Variants in SLIT3 observed in about 807,000 individuals in gnomAD.
SLIT3 encodes slit homolog 3 protein.
In SLIT3, 68 loss-of-function variants were observed where a neutral mutation model predicts 184.0. That is an observed-to-expected ratio of 0.37 (90% CI 0.30 to 0.45). The LOEUF is 0.45. Ranked by LOEUF, SLIT3 falls within the 20% of genes least tolerant of loss-of-function variation. SLIT3 has a pLI of 1.00. For missense variants in SLIT3, 1,707 were observed against 2,026.0 expected (o/e 0.84, Z 3.02); for synonymous variants, 831 against 828.6 (o/e 1.00, Z -0.05).
intron 26 of SLIT3, among the ~76,000 whole-genome samples, chr5:168,706,335 A>G (rs947695736): frequency 1.3e-5 from 2 of 152,202 alleles, no homozygotes; most frequent in Admixed American, 6.5e-5. Flanking sequence ...ATTACTAGCA[A>G]TGGCTACACA....
intron 6 of SLIT3, among the ~76,000 whole-genome samples, chr5:168,825,002 G>A (rs553840571): frequency 2.0e-5 from 3 of 152,184 alleles, no homozygotes; most frequent in African/African-American, 7.2e-5. Context: ...CTCTGTACAT[G>A]GTTGAAATCA....
chr5:169,008,292 T>G (rs1290807583), intron 4 of SLIT3, among the ~76,000 whole-genome samples: 1 of 152,114 alleles, frequency 6.6e-6, no homozygotes, highest in Non-Finnish European at 1.5e-5. Context: ...TGGGCAGTCA[T>G]CTTTGGGTCA....
intron 4 of SLIT3, among the ~76,000 whole-genome samples, chr5:169,176,821 TG>T (rs1561716499): frequency 6.6e-6 from 1 of 152,116 alleles, no homozygotes; most frequent in Non-Finnish European, 1.5e-5. Flanking sequence ...TGCCCAGGCT[TG>T]GGTTTGGAGC....
At chr5:169,171,854 C>T (rs1762830780) in intron 4 of SLIT3, among the ~76,000 whole-genome samples, 1 of 152,148 alleles carries the variant, frequency 6.6e-6, no homozygotes, top group African/African-American at 2.4e-5. Flanking sequence ...CAACAACCCA[C>T]CCAGAATGCC....
intron 4 of SLIT3, among the ~76,000 whole-genome samples, chr5:169,178,760 A>G (rs1763060073): frequency 1.3e-5 from 2 of 151,880 alleles, no homozygotes; most frequent in African/African-American, 4.8e-5. Context: ...CCCCCACCCA[A>G]TTCATTTAAT....
chr5:168,666,932 G>A, intron 35 of SLIT3: 1 of 641,432 alleles, frequency 1.6e-6, no homozygotes, highest in Non-Finnish European at 2.8e-6. Flanking sequence ...ACAAAAGCAG[G>A]CTTGGTCCCT....
intron 29 of SLIT3, among the ~76,000 whole-genome samples, chr5:168,688,739 T>C (rs1399840020): frequency 6.6e-6 from 1 of 152,336 alleles, no homozygotes; most frequent in African/African-American, 2.4e-5. Flanking sequence ...AGGAAACACA[T>C]TGAGAATGCC....
intron 5 of SLIT3, among the ~76,000 whole-genome samples, chr5:168,859,378 A>G (rs1003638221): frequency 2.6e-5 from 4 of 152,182 alleles, no homozygotes; most frequent in Non-Finnish European, 5.9e-5. Flanking sequence ...TAGAATTGTA[A>G]TTAAAACCAG....
intron 2 of SLIT3, among the ~76,000 whole-genome samples, chr5:169,246,020 G>A (rs1383380143): frequency 1.3e-5 from 2 of 152,142 alleles, no homozygotes; most frequent in South Asian, 2.1e-4. Context: ...GGCACACACC[G>A]ATTGTATATG....
intron 7 of SLIT3, among the ~76,000 whole-genome samples, chr5:168,823,012 G>A (rs1036422544): frequency 6.6e-6 from 1 of 152,194 alleles, no homozygotes; most frequent in African/African-American, 2.4e-5. Flanking sequence ...CACAGTTCTA[G>A]GGTAAGAGAA....
intron 16 of SLIT3, among the ~76,000 whole-genome samples, chr5:168,756,783 T>C (rs1754962339): frequency 6.6e-6 from 1 of 152,156 alleles, no homozygotes. Context: ...GTTGAGCTTC[T>C]TTGTTGGGGA....
At chr5:168,958,859 G>A (rs577552488) in intron 4 of SLIT3, among the ~76,000 whole-genome samples, 64 of 152,260 alleles carry the variant, frequency 4.2e-4, no homozygotes, top group Non-Finnish European at 7.1e-4. Context: ...TAACCCCTTG[G>A]ATCTCCTTCC....
At chr5:168,666,905 G>A (rs1007567561) in intron 35 of SLIT3, 3 of 732,892 alleles carry the variant, frequency 4.1e-6, no homozygotes, top group East Asian at 2.8e-5. Context: ...CACCTAAGCC[G>A]TGAGGATATA....
At chr5:168,683,820 G>A in intron 32 of SLIT3, 146 bp downstream of exon 32, 1 of 696,214 alleles carries the variant, frequency 1.4e-6, no homozygotes, top group Non-Finnish European at 2.1e-6. Flanking sequence ...CGGTGAGGAG[G>A]AAGTGTGTGT....
intron 5 of SLIT3, among the ~76,000 whole-genome samples, chr5:168,866,969 C>T (rs1759326573): frequency 6.6e-6 from 1 of 152,180 alleles, no homozygotes; most frequent in African/African-American, 2.4e-5. Context: ...GAGACTAAGA[C>T]TCGAACCCAG....
At chr5:169,173,091 G>A (rs771444791) in intron 4 of SLIT3, among the ~76,000 whole-genome samples, 29 of 152,022 alleles carry the variant, frequency 1.9e-4, no homozygotes, top group Non-Finnish European at 3.1e-4. Flanking sequence ...ATGAAACCCC[G>A]TCTCTACTAA....
intron 4 of SLIT3, among the ~76,000 whole-genome samples, chr5:169,148,029 G>A (rs957799066): frequency 1.3e-5 from 2 of 152,154 alleles, no homozygotes; most frequent in African/African-American, 2.4e-5. Flanking sequence ...GCAGGTCAGG[G>A]AAAGAAGATG....
At chr5:169,034,063 C>T (rs1377326566) in intron 4 of SLIT3, among the ~76,000 whole-genome samples, 1 of 152,160 alleles carries the variant, frequency 6.6e-6, no homozygotes, top group Non-Finnish European at 1.5e-5. Flanking sequence ...CCACCTGCCT[C>T]AGCCTCCCAA....
intron 5 of SLIT3, among the ~76,000 whole-genome samples, chr5:168,863,371 G>A (rs1483797056): frequency 1.3e-5 from 2 of 152,174 alleles, no homozygotes; most frequent in Admixed American, 6.5e-5. Flanking sequence ...AACTGAGGCC[G>A]GCCCAATGGC....
Sources: gnomAD v4.1 joint callset for allele counts (sites outside exome capture counted in the v4.1 genomes callset) on GRCh38, gnomAD v4.1.1 for gene constraint, MANE v1.5 for transcripts, NCBI Gene and HGNC (gene_info 2026-07-23, HGNC 2026-07-21) for gene names.